The following DCAF8 variants were observed in gnomAD, a reference collection of about 807,000 sequenced individuals.
The protein encoded by DCAF8 is DDB1- and CUL4-associated factor 8.
In DCAF8, 20 loss-of-function variants were observed where a neutral mutation model predicts 68.0. That is an observed-to-expected ratio of 0.29 (90% CI 0.21 to 0.43). The LOEUF (loss-of-function observed/expected upper bound fraction) is 0.43, where lower values mean the gene tolerates loss of function less well. Ranked by LOEUF, DCAF8 falls within the 20% of genes least tolerant of loss-of-function variation. The pLI is 1.00. For missense variants in DCAF8, 460 were observed against 771.0 expected (o/e 0.60, Z 4.78); for synonymous variants, 230 against 276.9 (o/e 0.83, Z 1.68).
At chr1:160,233,985 A>C (rs1272152566) in intron 6 of DCAF8, among the ~76,000 whole-genome samples, 4 of 152,156 alleles carry the variant, frequency 2.6e-5, no homozygotes, top group African/African-American at 9.7e-5. Context: ...AAAAGGGAAA[A>C]ATAATTACAG....
chr1:160,253,647 CAAAAAAAA>C (rs747211563), intron 2 of DCAF8, among the ~76,000 whole-genome samples: 8 of 26,970 alleles, frequency 3.0e-4, no homozygotes, highest in South Asian at 2.1e-3. Context: ...GACTCCATCT[CAAAAAAAA>C]AAAAAAAAAA....
intron 3 of DCAF8, among the ~76,000 whole-genome samples, chr1:160,241,882 A>G (rs1054574205): frequency 6.6e-6 from 1 of 152,216 alleles, no homozygotes; most frequent in African/African-American, 2.4e-5. Context: ...GCAAAACCCA[A>G]TACTGAAAAA....
At chr1:160,256,991 C>CCAAGAG (rs1398578927) in intron 2 of DCAF8, among the ~76,000 whole-genome samples, 1 of 152,192 alleles carries the variant, frequency 6.6e-6, no homozygotes, top group African/African-American at 2.4e-5. Flanking sequence ...TCTACTCACT[C>CCAAGAG]CAAGAGCAGA....
intron 5 of DCAF8, among the ~76,000 whole-genome samples, chr1:160,237,565 C>T (rs1423593051): frequency 6.6e-6 from 1 of 152,126 alleles, no homozygotes; most frequent in Admixed American, 6.5e-5. Context: ...CTCACTTTAC[C>T]ACCCAGGCTG....
chr1:160,249,740 C>T (rs1217267094), intron 2 of DCAF8, among the ~76,000 whole-genome samples: 2 of 152,108 alleles, frequency 1.3e-5, no homozygotes, highest in African/African-American at 4.8e-5. Flanking sequence ...AAACTGGAAA[C>T]AAATTTTCTT....
chr1:160,258,518 C>T (rs974045350), intron 2 of DCAF8, among the ~76,000 whole-genome samples: 2 of 151,192 alleles, frequency 1.3e-5, no homozygotes, highest in Non-Finnish European at 3.0e-5. Flanking sequence ...CTGGGTGCTG[C>T]GGCTATGCCT....
intron 2 of DCAF8, among the ~76,000 whole-genome samples, chr1:160,250,141 A>G (rs1656517244): frequency 6.6e-6 from 1 of 152,222 alleles, no homozygotes; most frequent in Non-Finnish European, 1.5e-5. Context: ...TACTGTATAT[A>G]AATTATACCT....
At chr1:160,223,464 CTAGGAGTGGTAACAA>C (rs1308053698) in intron 10 of DCAF8, among the ~76,000 whole-genome samples, 33 of 152,282 alleles carry the variant, frequency 2.2e-4, no homozygotes, top group Middle Eastern at 3.4e-3. Flanking sequence ...CAGGTATCTG[CTAGGAGTGGTAACAA>C]TAGAGAAATG....
intron 2 of DCAF8, among the ~76,000 whole-genome samples, chr1:160,244,419 CT>C (rs1161604773): frequency 6.6e-6 from 1 of 152,156 alleles, no homozygotes; most frequent in African/African-American, 2.4e-5. Context: ...GCATTGCCCC[CT>C]AGGCAAGAAT....
Position 160,222,581 on chromosome 1 carries a change from G to A in DCAF8, c.1440+70C>T, listed in dbSNP as rs1655334687. ...CATGTAGTCACAGTGAGAATTCAGT[G>A]TCCCTGCTAAAACCTACCTTAATGA... On this transcript the variant is annotated intron_variant, in intron 11 of 13. Transcript: ENST00000368074. 8 of 1,580,700 alleles carry A rather than the reference G, an allele frequency of 5.1e-6. No homozygotes were observed. In the Admixed American group the frequency reaches 6.8e-5, roughly 13 times the overall value.
chr1:160,218,992 C>A (rs746363191), intron 11 of DCAF8, 24 bp from the exon 12 acceptor site: 1 of 1,613,374 alleles, frequency 6.2e-7, no homozygotes, highest in Non-Finnish European at 8.5e-7. Context: ...AAGGAAAACA[C>A]AGACTCAGCA....
intron 2 of DCAF8, among the ~76,000 whole-genome samples, chr1:160,252,203 G>A (rs77216851): frequency 0.015 from 2,281 of 152,212 alleles, 68 homozygotes; most frequent in African/African-American, 0.053. Flanking sequence ...ATATAAACAA[G>A]GCAGTCACAA....
intron 2 of DCAF8, among the ~76,000 whole-genome samples, chr1:160,244,842 C>T (rs377411496): frequency 1.1e-3 from 164 of 152,002 alleles, no homozygotes; most frequent in African/African-American, 3.6e-3. Flanking sequence ...CTCGATCTCC[C>T]GAGTGATCCG....
At chr1:160,249,709 G>C (rs372710663) in intron 2 of DCAF8, among the ~76,000 whole-genome samples, 1 of 152,158 alleles carries the variant, frequency 6.6e-6, no homozygotes, top group African/African-American at 2.4e-5. Context: ...TGTTTTAATA[G>C]TTTTACTTAA....
At position 160,237,173 on chromosome 1, in the gene DCAF8, A is replaced by T; in HGVS notation, c.921T>A (p.Val307=). 1.3e-6 allele frequency: 2 copies of T among 1,578,120 alleles called. No individual in the cohort carries two copies. The highest frequency in any genetic ancestry group is 1.7e-6 in the Non-Finnish European group (2 of 1,159,622). Residue 307 remains valine, a synonymous_variant, in exon 6 of 14, where the codon GTT becomes GTA. Coordinates refer to ENST00000368074, the MANE Select transcript of DCAF8 (RefSeq NM_015726.4). ...CTTGTCTCAGGTCAATGGTGAAAACAACTGCATCTTCACCTGCAGATAAGA... is the reference window on the plus strand; with the variant it reads ...CTTGTCTCAGGTCAATGGTGAAAACTACTGCATCTTCACCTGCAGATAAGA... ...CTFLSAGEDA[V]VFTIDLRQDR... is the part of the protein sequence containing the mutation.
rs544044389 is a variant in DCAF8, at chr1:160,239,763, C to T, written c.657G>A (p.Val219=). 6.2e-7 allele frequency: 1 copy of T among 1,614,262 alleles called. No homozygotes were observed. The highest frequency in any genetic ancestry group is 8.5e-7 in the Non-Finnish European group (1 of 1,180,048). ...ASGSDDLKVV[V]WDWVRRQPVL... ...CTGGCTGCCGCCGTACCCAATCCCA[C>T]ACCACCACCTTCAGGTCATCGCTGC... Residue 219 remains valine (V), a synonymous_variant, in exon 4 of 14, where the codon GTG becomes GTA. Transcript: ENST00000368074.
rs777631572 is a variant in DCAF8 at position 160,237,200 on chromosome 1, C to T, written c.894G>A (p.Thr298=). Residue 298 remains threonine (T), a synonymous_variant, in exon 6 of 14, where the codon ACG becomes ACA. Coordinates refer to ENST00000368074, the MANE Select transcript of DCAF8 (RefSeq NM_015726.4). The part of the protein sequence containing the change: ...KLALEPDSPC[T]FLSAGEDAVV... ...CTGCATCTTCACCTGCAGATAAGAA[C>T]GTACAGGGAGAGTCTGGTTCCAGTG... 3 of 1,577,286 alleles carry T rather than the reference C, an allele frequency of 1.9e-6. No homozygotes were observed. The highest frequency in any genetic ancestry group is 2.6e-6 in the Non-Finnish European group (3 of 1,159,250).
At chr1:160,236,930 T>C (rs1246182909) in intron 6 of DCAF8, among the ~76,000 whole-genome samples, 1 of 152,066 alleles carries the variant, frequency 6.6e-6, no homozygotes, top group African/African-American at 2.4e-5. Context: ...ACAAGTAAAC[T>C]GTTTGAGAAA....
chr1:160,242,375 C>T (rs1025391985), intron 3 of DCAF8, among the ~76,000 whole-genome samples: 3 of 151,960 alleles, frequency 2.0e-5, no homozygotes, highest in African/African-American at 4.8e-5. Flanking sequence ...ATATATGCTA[C>T]GAAAGTTTAG....
Sources: gnomAD v4.1 joint callset for allele counts (sites outside exome capture counted in the v4.1 genomes callset) on GRCh38, gnomAD v4.1.1 for gene constraint, MANE v1.5 for transcripts, NCBI Gene and HGNC (gene_info 2026-07-23, HGNC 2026-07-21) for gene names.